The following STT3B variants were observed in gnomAD, a reference collection of about 807,000 sequenced individuals.
STT3B encodes the protein STT3 oligosaccharyltransferase complex catalytic subunit B.
Under a neutral mutation model 96.8 loss-of-function variants are expected in STT3B, and 29 were observed. That is an observed-to-expected ratio of 0.30 (90% CI 0.22 to 0.41). STT3B has a LOEUF of 0.41. STT3B is among the 10% of genes least tolerant of loss of function. The pLI is 1.00. For synonymous variants in STT3B, 367 were observed against 360.0 expected, an observed-to-expected ratio of 1.02 and a Z score of -0.22; for missense variants, 640 against 1,022.3, an observed-to-expected ratio of 0.63 and a Z score of 5.10.
chr3:31,540,039 T>C (rs1697224198), intron 1 of STT3B, among the ~76,000 whole-genome samples: 1 of 152,168 alleles, frequency 6.6e-6, no homozygotes, highest in Non-Finnish European at 1.5e-5. Context: ...ATAGCTTGGC[T>C]AGATTCTTTT....
intron 3 of STT3B, among the ~76,000 whole-genome samples, chr3:31,593,096 GCTT>G (rs944367840): frequency 2.6e-5 from 4 of 152,156 alleles, no homozygotes; most frequent in Admixed American, 2.0e-4. Flanking sequence ...GATTTCTGTT[GCTT>G]CTTCTTTCAG....
At chr3:31,605,233 A>T (rs186970731) in intron 5 of STT3B, among the ~76,000 whole-genome samples, 61 of 152,240 alleles carry the variant, frequency 4.0e-4, no homozygotes, top group African/African-American at 1.4e-3. Context: ...ATAAACTTTC[A>T]CTCAACTATT....
chr3:31,578,557 TG>T (rs1451665886), intron 2 of STT3B, among the ~76,000 whole-genome samples: 7 of 150,352 alleles, frequency 4.7e-5, no homozygotes, highest in Middle Eastern at 3.4e-3. Flanking sequence ...AAATTCACTT[TG>T]TTTTTTTTTC....
At chr3:31,611,685 CG>C (rs768424791) in intron 5 of STT3B, among the ~76,000 whole-genome samples, 40 of 151,952 alleles carry the variant, frequency 2.6e-4, no homozygotes, top group Non-Finnish European at 5.2e-4. Context: ...TTAGTAGAGA[CG>C]GGGTTTCTCC....
At position 31,591,913 on chromosome 3, in the gene STT3B, G is replaced by A. The variant is rs190915265; in HGVS notation, c.712-4885G>A. Reference sequence around the variant, plus strand: ...TTTTCTAGAGCAAATCTGCTGTAATGGGATTTTTCAATTTTGCCTTCATTT... The same window carrying A: ...TTTTCTAGAGCAAATCTGCTGTAATAGGATTTTTCAATTTTGCCTTCATTT... On this transcript the variant is annotated intron_variant, in intron 3 of 15. Transcript: ENST00000295770. Among the ~76,000 whole-genome samples the A allele has an allele frequency of 5.3e-5, 8 of 152,012 alleles. No homozygotes were observed. In the East Asian group the frequency reaches 1.5e-3, roughly 29 times the overall value.
chr3:31,601,790 A>G (rs1268925497), intron 5 of STT3B, among the ~76,000 whole-genome samples: 2 of 152,216 alleles, frequency 1.3e-5, no homozygotes, highest in Non-Finnish European at 2.9e-5. Flanking sequence ...TCAACAAAAT[A>G]AAAAAGCATA....
chr3:31,598,885 C>G (rs142286452), intron 4 of STT3B, among the ~76,000 whole-genome samples: 29 of 152,024 alleles, frequency 1.9e-4, no homozygotes, highest in Non-Finnish European at 4.0e-4. Context: ...TCTCAGCTCA[C>G]TGCAGTCTCT....
rs370943784 is a variant in STT3B, at chr3:31,576,026, T to C, written c.315-370T>C. ...TATTATAGTTTAAAGCCAATGTTTT[T>C]AGGGTTGCAGGATTTTGGGCAATTC... On this transcript the variant is annotated intron_variant, in intron 1 of 15. Coordinates refer to ENST00000295770, the MANE Select transcript of STT3B (RefSeq NM_178862.3). Among the ~76,000 whole-genome samples, 3 of 152,246 alleles carry C rather than the reference T, an allele frequency of 2.0e-5. No individual in the cohort carries two copies. The South Asian group carries it at 6.2e-4, about 32-fold the overall frequency.
chr3:31,632,669 GTTTTTT>G (rs58688269), intron 14 of STT3B, among the ~76,000 whole-genome samples: 1 of 144,558 alleles, frequency 6.9e-6, no homozygotes, highest in Admixed American at 6.8e-5. Context: ...GTTTTGGTGG[GTTTTTT>G]TTTTTTTTTT....
chr3:31,632,072 T>A (rs1699674255), intron 14 of STT3B, among the ~76,000 whole-genome samples: 1 of 151,158 alleles, frequency 6.6e-6, no homozygotes, highest in Admixed American at 6.6e-5. Flanking sequence ...CCCAGGCTGG[T>A]CTTGAACTCC....
At chr3:31,561,314 T>C (rs1343859503) in intron 1 of STT3B, among the ~76,000 whole-genome samples, 1 of 152,088 alleles carries the variant, frequency 6.6e-6, no homozygotes, top group African/African-American at 2.4e-5. Flanking sequence ...GATAAGTATG[T>C]ATATTTATGG....
At chr3:31,619,857 T>G (rs1485570140) in intron 9 of STT3B, 27 bp downstream of exon 9, 5 of 1,588,528 alleles carry the variant, frequency 3.1e-6, no homozygotes, top group East Asian at 4.5e-5. Context: ...ATGAATACTT[T>G]GATATGGAAT....
chr3:31,547,757 A>G (rs1409590265), intron 1 of STT3B, among the ~76,000 whole-genome samples: 2 of 152,232 alleles, frequency 1.3e-5, no homozygotes, highest in African/African-American at 4.8e-5. Flanking sequence ...AGCCTGAACA[A>G]GTACAAAAAG....
chr3:31,583,674 A>G lies in STT3B; in HGVS notation c.711+3578A>G, dbSNP rs553377609. On this transcript the variant is annotated intron_variant, in intron 3 of 15. Coordinates refer to ENST00000295770, the MANE Select transcript of STT3B (RefSeq NM_178862.3). ...GATCATGTGTTTATTCTTTCTGCCA[A>G]TCTCTGTTTTTGGAGAGTTTAATAC... 4.0e-4 allele frequency among the ~76,000 whole-genome samples: 61 copies of G among 152,256 alleles called. 1 individual carries two copies. Among genetic ancestry groups the G allele is most frequent in the African/African-American group, 1.4e-3 (58 of 41,548 alleles).
chr3:31,599,024 G>C (rs1055104673), intron 4 of STT3B, among the ~76,000 whole-genome samples: 1 of 152,074 alleles, frequency 6.6e-6, no homozygotes, highest in Non-Finnish European at 1.5e-5. Flanking sequence ...GGTCAGACTG[G>C]TCTCGAACTC....
chr3:31,596,601 A>G (rs563745295), intron 3 of STT3B, among the ~76,000 whole-genome samples, 197 bp from the exon 4 acceptor site: 31 of 152,342 alleles, frequency 2.0e-4, no homozygotes, highest in African/African-American at 7.2e-4. Flanking sequence ...AATGAGAGCT[A>G]TTCTTAAAAT....
At chr3:31,625,111 A>T in intron 12 of STT3B, 26 bp downstream of exon 12, 1 of 1,596,644 alleles carries the variant, frequency 6.3e-7, no homozygotes, top group South Asian at 1.1e-5. Context: ...ATACAAGGTT[A>T]AAAAATCTTT....
rs938286857 is a variant in STT3B, at chr3:31,604,167, A to G, written c.877+3708A>G. Among the ~76,000 whole-genome samples the G allele has an allele frequency of 3.3e-5, 5 of 152,144 alleles. No homozygotes were observed. The East Asian group carries it at 5.8e-4, about 18-fold the overall frequency. On this transcript the variant is annotated intron_variant, in intron 5 of 15. Coordinates refer to ENST00000295770, the MANE Select transcript of STT3B (RefSeq NM_178862.3). ...GTAAGGAGAGTAACAGTTGTTTTTC[A>G]TATTATATCTAAAATGTATTTTTTA...
At chr3:31,599,546 C>T (rs940747800) in intron 4 of STT3B, among the ~76,000 whole-genome samples, 1 of 152,126 alleles carries the variant, frequency 6.6e-6, no homozygotes, top group South Asian at 2.1e-4. Context: ...GTAAGAGAAG[C>T]ATTATTGGAA....
Sources: gnomAD v4.1 joint callset for allele counts (sites outside exome capture counted in the v4.1 genomes callset) on GRCh38, gnomAD v4.1.1 for gene constraint, MANE v1.5 for transcripts, NCBI Gene and HGNC (gene_info 2026-07-23, HGNC 2026-07-21) for gene names.